The following SYNDIG1 variants were observed in gnomAD, a reference collection of about 807,000 sequenced individuals.
The protein encoded by SYNDIG1 is synapse differentiation inducing 1, also known as synapse differentiation-inducing gene protein 1.
In SYNDIG1, 9 loss-of-function variants were observed where a neutral mutation model predicts 19.4. The observed-to-expected ratio is 0.46, with a 90% confidence interval of 0.28 to 0.81. SYNDIG1 has a LOEUF of 0.81. Ranked by LOEUF, SYNDIG1 falls within the 30% of genes least tolerant of loss-of-function variation. The pLI, the probability that SYNDIG1 is intolerant of heterozygous loss-of-function variation, is 0.12. For missense variants in SYNDIG1, 311 were observed against 343.3 expected, an observed-to-expected ratio of 0.91 and a Z score of 0.74; for synonymous variants, 141 against 145.9, an observed-to-expected ratio of 0.97 and a Z score of 0.24.
At chr20:24,523,065 T>A (rs1433840166) in intron 1 of SYNDIG1, among the ~76,000 whole-genome samples, 1 of 152,196 alleles carries the variant, frequency 6.6e-6, no homozygotes. Flanking sequence ...TGTGTCACTT[T>A]CCTATTGAGG....
chr20:24,530,963 C>T (rs1162293641), intron 1 of SYNDIG1, among the ~76,000 whole-genome samples: 1 of 152,002 alleles, frequency 6.6e-6, no homozygotes, highest in Non-Finnish European at 1.5e-5. Context: ...CGCATGCCAC[C>T]AAGCCCAGCT....
intron 2 of SYNDIG1, among the ~76,000 whole-genome samples, chr20:24,583,090 C>T (rs889652015): frequency 6.6e-5 from 10 of 152,196 alleles, no homozygotes; most frequent in African/African-American, 1.9e-4. Context: ...TGCAGCCCTG[C>T]GGCTGGCTGC....
intron 3 of SYNDIG1, among the ~76,000 whole-genome samples, chr20:24,628,175 G>T (rs1360629024): frequency 6.6e-6 from 1 of 152,118 alleles, no homozygotes; most frequent in Non-Finnish European, 1.5e-5. Context: ...TATCTGGGAA[G>T]AAAAGAAAAG....
chr20:24,524,595 G>C (rs2057077989), intron 1 of SYNDIG1, among the ~76,000 whole-genome samples: 1 of 151,402 alleles, frequency 6.6e-6, no homozygotes, highest in African/African-American at 2.4e-5. Flanking sequence ...ACAGTGAGCT[G>C]AGATCGCGCC....
chr20:24,616,906 C>G (rs2147205905), intron 3 of SYNDIG1, among the ~76,000 whole-genome samples: 1 of 152,262 alleles, frequency 6.6e-6, no homozygotes, highest in East Asian at 1.9e-4. Context: ...AGGCGCCATC[C>G]TTGTAGGGTT....
At chr20:24,532,265 G>T (rs531166843) in intron 1 of SYNDIG1, among the ~76,000 whole-genome samples, 3 of 152,284 alleles carry the variant, frequency 2.0e-5, no homozygotes, top group African/African-American at 7.2e-5. Flanking sequence ...CACAGTGAAG[G>T]TAAACACAGT....
chr20:24,606,708 C>A (rs576818394), intron 3 of SYNDIG1, among the ~76,000 whole-genome samples: 1 of 152,134 alleles, frequency 6.6e-6, no homozygotes, highest in Non-Finnish European at 1.5e-5. Flanking sequence ...GTGGGCAGAG[C>A]GCAGCACAAG....
chr20:24,516,231 A>G (rs2056860756), intron 1 of SYNDIG1, among the ~76,000 whole-genome samples: 1 of 152,266 alleles, frequency 6.6e-6, no homozygotes, highest in Non-Finnish European at 1.5e-5. Flanking sequence ...TAAAAAGCCT[A>G]GAAGAAAACC....
intron 3 of SYNDIG1, among the ~76,000 whole-genome samples, chr20:24,657,647 G>T (rs761488828): frequency 2.6e-5 from 4 of 152,116 alleles, no homozygotes; most frequent in Admixed American, 6.6e-5. Flanking sequence ...ATACATGCAG[G>T]CAACAAACGT....
intron 1 of SYNDIG1, among the ~76,000 whole-genome samples, chr20:24,518,667 G>A (rs751535943): frequency 1.1e-4 from 16 of 152,318 alleles, no homozygotes; most frequent in African/African-American, 3.1e-4. Context: ...GGCCCTGCTC[G>A]TGTCCCAGCC....
chr20:24,627,124 GGGGAGA>G (rs750289884), intron 3 of SYNDIG1, among the ~76,000 whole-genome samples: 5,841 of 110,198 alleles, frequency 0.053, 235 homozygotes, highest in African/African-American at 0.099. Flanking sequence ...GGGGGACCGT[GGGGAGA>G]GGGAGAGGGA....
In SYNDIG1 at chr20:24,662,728, G is replaced by A. The variant is rs111498545; in HGVS notation, c.619-2618G>A. On this transcript the variant is annotated intron_variant, in intron 3 of 3. Coordinates refer to ENST00000376862, the MANE Select transcript of SYNDIG1 (RefSeq NM_024893.3). ...CGCCAGTCACCTGCACTTTCTAACC[G>A]CCTGCACTTATTTTCCAATGAAAGG... is the stretch of plus-strand genomic sequence containing the variant. 6.6e-5 allele frequency among the ~76,000 whole-genome samples: 10 copies of A among 152,358 alleles called. 1 individual carries two copies. Among genetic ancestry groups the A allele is most frequent in the South Asian group, 2.1e-4 (1 of 4,824 alleles).
At chr20:24,549,438 GGA>G (rs1319291108) in intron 2 of SYNDIG1, among the ~76,000 whole-genome samples, 2 of 152,076 alleles carry the variant, frequency 1.3e-5, no homozygotes, top group African/African-American at 4.8e-5. Context: ...TGTTGAAATG[GGA>G]GAGTTCCCTG....
At chr20:24,521,315 A>AT (rs2056998329) in intron 1 of SYNDIG1, among the ~76,000 whole-genome samples, 1 of 151,792 alleles carries the variant, frequency 6.6e-6, no homozygotes, top group Non-Finnish European at 1.5e-5. Flanking sequence ...ACTGCTTTCA[A>AT]TTTTTTTTAA....
chr20:24,629,847 G>A (rs190596612), intron 3 of SYNDIG1, among the ~76,000 whole-genome samples: 78 of 152,314 alleles, frequency 5.1e-4, no homozygotes, highest in African/African-American at 1.8e-3. Context: ...GGCAGCTTCC[G>A]GAACTGAGAT....
chr20:24,530,954 G>A (rs982635778), intron 1 of SYNDIG1, among the ~76,000 whole-genome samples: 12 of 151,958 alleles, frequency 7.9e-5, no homozygotes, highest in Non-Finnish European at 1.6e-4. Context: ...GACTACAGGC[G>A]CATGCCACCA....
At chr20:24,492,561 AC>A (rs1274397485) in intron 1 of SYNDIG1, among the ~76,000 whole-genome samples, 1 of 152,060 alleles carries the variant, frequency 6.6e-6, no homozygotes. Context: ...ATAATCCCCC[AC>A]CTAGCCCTGA....
chr20:24,529,406 A>C (rs1357734366), intron 1 of SYNDIG1, among the ~76,000 whole-genome samples: 4 of 151,744 alleles, frequency 2.6e-5, no homozygotes, highest in African/African-American at 9.7e-5. Flanking sequence ...GAATCAGTAA[A>C]ATTTTTCTGT....
rs60892856 is a variant in SYNDIG1, at chr20:24,560,063, C to CTTTTTTTT, written c.480+16507_480+16514dup. ...TTTTTTTTAACATTTCTCTCCTCTC[C>CTTTTTTTT]TTTTTTTTTTTTTTTTTTTTTTTTT... On this transcript the variant is annotated intron_variant, in intron 2 of 3. Coordinates refer to ENST00000376862, the MANE Select transcript of SYNDIG1 (RefSeq NM_024893.3). Among the ~76,000 whole-genome samples, 129 of 43,044 alleles carry CTTTTTTTT rather than the reference C, an allele frequency of 3.0e-3. 52 individuals carry two copies. The highest frequency in any genetic ancestry group is 7.8e-3 in the African/African-American group (52 of 6,694). 28.2% of individuals were successfully genotyped at this position (43,044 alleles called of 152,430 possible).
Sources: allele counts gnomAD v4.1 joint callset (sites outside exome capture counted in the v4.1 genomes callset), GRCh38; gene constraint gnomAD v4.1.1; transcripts MANE v1.5; gene names NCBI Gene and HGNC (gene_info 2026-07-23, HGNC 2026-07-21).